FBXO36: variants seen among roughly 807,000 people sequenced by gnomAD.
The protein encoded by FBXO36 is F-box only protein 36.
A neutral mutation model predicts 17.0 loss-of-function variants in FBXO36; 18 were observed. The ratio of observed to expected loss-of-function variants is 1.06; its 90% CI spans 0.73 to 1.57. FBXO36 has a LOEUF of 1.57. FBXO36 is among the 40% of genes most tolerant of loss of function. FBXO36 has a pLI of 0.00. For missense variants in FBXO36, 229 were observed against 221.9 expected, an observed-to-expected ratio of 1.03 and a Z score of -0.20; for synonymous variants, 83 against 85.3, an observed-to-expected ratio of 0.97 and a Z score of 0.15.
intron 2 of FBXO36, among the ~76,000 whole-genome samples, chr2:229,981,207 A>C (rs2077237533): frequency 6.6e-6 from 1 of 152,120 alleles, no homozygotes; most frequent in Non-Finnish European, 1.5e-5. Context: ...CCTGATACAA[A>C]GTCAGGCGCA....
intron 2 of FBXO36, among the ~76,000 whole-genome samples, chr2:229,994,466 T>C (rs578151123): frequency 4.6e-5 from 7 of 152,340 alleles, no homozygotes; most frequent in South Asian, 2.1e-4. Flanking sequence ...GCTGGCACGA[T>C]TGGGCTTTTA....
chr2:229,976,548 C>T (rs560511185), intron 2 of FBXO36, 199 bp downstream of exon 2: 12 of 458,032 alleles, frequency 2.6e-5, no homozygotes, highest in East Asian at 2.4e-4. Context: ...TGGCCGGGCG[C>T]GGTCGCTCAT....
At chr2:229,927,200 T>C (rs1183667693) in intron 1 of FBXO36, among the ~76,000 whole-genome samples, 2 of 152,320 alleles carry the variant, frequency 1.3e-5, no homozygotes, top group African/African-American at 2.4e-5. Flanking sequence ...GTTTGTACTT[T>C]CATGACACAT....
At chr2:229,959,634 AG>A (rs2077110392) in intron 1 of FBXO36, among the ~76,000 whole-genome samples, 1 of 152,142 alleles carries the variant, frequency 6.6e-6, no homozygotes, top group Non-Finnish European at 1.5e-5. Context: ...TCATGAGGTC[AG>A]GAGATCGAGA....
At position 229,956,330 on chromosome 2, in the gene FBXO36, G is replaced by A. The variant is rs145447201; in HGVS notation, c.97-19911G>A. 1.1e-4 allele frequency among the ~76,000 whole-genome samples: 16 copies of A among 152,180 alleles called. No homozygotes were observed. The East Asian group carries it at 2.9e-3, about 28-fold the overall frequency. ...CTTTTCTCTGGGCATACACATTGTC[G>A]GGGCAAAGGGAACTTTCCCATCACC... On this transcript the variant is annotated intron_variant, in intron 1 of 3. Coordinates refer to ENST00000283946, the MANE Select transcript of FBXO36 (RefSeq NM_174899.5).
chr2:229,949,289 G>A (rs1490409069), intron 1 of FBXO36, among the ~76,000 whole-genome samples: 3 of 152,132 alleles, frequency 2.0e-5, no homozygotes, highest in Non-Finnish European at 4.4e-5. Flanking sequence ...CTTTATTCTG[G>A]CATCCCACCT....
chr2:229,987,657 G>T (rs1008624516), intron 2 of FBXO36, among the ~76,000 whole-genome samples: 25 of 151,664 alleles, frequency 1.6e-4, no homozygotes, highest in Non-Finnish European at 3.4e-4. Context: ...TTGAGATAGG[G>T]TTTTGTTCTG....
At chr2:229,983,775 AAAT>A (rs2077253097) in intron 2 of FBXO36, among the ~76,000 whole-genome samples, 2 of 152,208 alleles carry the variant, frequency 1.3e-5, no homozygotes, top group African/African-American at 4.8e-5. Flanking sequence ...GACCTTAACC[AAAT>A]TATTTAATCT....
In FBXO36 at chr2:229,968,664, C is replaced by T. The variant is rs559825706; in HGVS notation, c.97-7577C>T. Among the ~76,000 whole-genome samples the T allele has an allele frequency of 1.9e-4, 29 of 152,184 alleles. No individual in the cohort carries two copies. In the South Asian group the frequency reaches 3.9e-3, roughly 21 times the overall value. On this transcript the variant is annotated intron_variant, in intron 1 of 3. Coordinates refer to ENST00000283946, the MANE Select transcript of FBXO36 (RefSeq NM_174899.5). The stretch of plus-strand genomic sequence containing the variant: ...TGTATTTTTTGTGGAGATGGTATTT[C>T]GCCATGTTGCCCAGGGTGGTCTCAA...
At chr2:229,992,854 C>T (rs995432183) in intron 2 of FBXO36, among the ~76,000 whole-genome samples, 2 of 152,152 alleles carry the variant, frequency 1.3e-5, no homozygotes, top group African/African-American at 4.8e-5. Flanking sequence ...TGGAGGATCC[C>T]ATTCAAGGAT....
Position 229,954,234 on chromosome 2 carries a change from A to ATTTTTTTTTTTTTTTTTTTTTTTTTT in FBXO36, c.97-22006_97-21981dup, listed in dbSNP as rs60093081. On this transcript the variant is annotated intron_variant, in intron 1 of 3. Coordinates refer to ENST00000283946, the MANE Select transcript of FBXO36 (RefSeq NM_174899.5). ...GCAACTGTCATTACAAACCCTTTGGATTTTTTTTTTTTTTTTTTTTTTTTT... is the reference window on the plus strand; with the variant it reads ...GCAACTGTCATTACAAACCCTTTGGATTTTTTTTTTTTTTTTTTTTTTTTTTTTTTTTTTTTTTTTTTTTTTTTTTT... Among the ~76,000 whole-genome samples, 68 of 71,398 alleles carry ATTTTTTTTTTTTTTTTTTTTTTTTTT rather than the reference A, an allele frequency of 9.5e-4. 20 individuals carry two copies. The highest frequency in any genetic ancestry group is 1.2e-3 in the Non-Finnish European group (48 of 38,928). 46.8% of individuals were successfully genotyped at this position (71,398 alleles called of 152,430 possible).
chr2:229,987,405 T>G (rs774403390), intron 2 of FBXO36, among the ~76,000 whole-genome samples: 4 of 152,100 alleles, frequency 2.6e-5, no homozygotes, highest in Admixed American at 6.6e-5. Flanking sequence ...AATTTACATT[T>G]TCTCTAATTT....
chr2:229,941,648 TAGG>T (rs1405463636), intron 1 of FBXO36, among the ~76,000 whole-genome samples: 1 of 149,402 alleles, frequency 6.7e-6, no homozygotes, highest in African/African-American at 2.5e-5. Context: ...GAAGGGGAGA[TAGG>T]AGGGGATTTG....
Position 229,995,623 on chromosome 2 carries a change from G to A in FBXO36, c.206-1128G>A, listed in dbSNP as rs188700395. 3.7e-3 allele frequency among the ~76,000 whole-genome samples: 269 copies of A among 73,432 alleles called. 1 individual carries two copies. The highest frequency in any genetic ancestry group is 0.013 in the African/African-American group (234 of 18,244). The allele number at this position is 73,432 out of a possible 152,430, so 48.2% of individuals were successfully genotyped here. ...TTTTTTTTTTTTTGGACAGAATTTC[G>A]CTCTTGTTGCACAGGTTGGAGTGCA... On this transcript the variant is annotated intron_variant, in intron 2 of 3. Transcript: ENST00000283946.
intron 1 of FBXO36, among the ~76,000 whole-genome samples, chr2:229,958,257 CTTTTTT>C (rs1161188534): frequency 5.3e-4 from 42 of 78,684 alleles, no homozygotes; most frequent in Admixed American, 7.5e-4. Flanking sequence ...CTCTGACTTT[CTTTTTT>C]TTTTTTTTTT....
At chr2:229,966,809 T>C (rs1041936756) in intron 1 of FBXO36, among the ~76,000 whole-genome samples, 8 of 152,220 alleles carry the variant, frequency 5.3e-5, no homozygotes, top group Non-Finnish European at 1.2e-4. Context: ...TGAAGTCAGG[T>C]AGCGTGATGC....
At chr2:229,928,472 G>A (rs1560428283) in intron 1 of FBXO36, among the ~76,000 whole-genome samples, 1 of 152,134 alleles carries the variant, frequency 6.6e-6, no homozygotes, top group Non-Finnish European at 1.5e-5. Context: ...TTTATAATCA[G>A]AGAAAAGCAA....
chr2:230,006,376 G>A (rs746606544), intron 3 of FBXO36, among the ~76,000 whole-genome samples: 2 of 152,224 alleles, frequency 1.3e-5, no homozygotes, highest in Non-Finnish European at 2.9e-5. Flanking sequence ...GATTACAGGC[G>A]TGAGCCACTG....
intron 3 of FBXO36, among the ~76,000 whole-genome samples, chr2:229,998,624 G>GA (rs71049611): frequency 0.21 from 27,342 of 129,812 alleles, 2,763 homozygotes; most frequent in Middle Eastern, 0.24. Flanking sequence ...CTCAGTCTCA[G>GA]AAAAAAAAAA....
Sources: allele counts gnomAD v4.1 joint callset (sites outside exome capture counted in the v4.1 genomes callset), GRCh38; gene constraint gnomAD v4.1.1; transcripts MANE v1.5; gene names NCBI Gene and HGNC (gene_info 2026-07-23, HGNC 2026-07-21).